The following CFAP54 variants were observed in gnomAD, a reference collection of about 807,000 sequenced individuals.
The protein encoded by CFAP54 is cilia- and flagella-associated protein 54.
Under a neutral mutation model 370.4 loss-of-function variants are expected in CFAP54, and 290 were observed. The observed-to-expected ratio is 0.78, with a 90% CI of 0.71 to 0.86. The LOEUF (loss-of-function observed/expected upper bound fraction) is 0.86. Ranked by LOEUF, CFAP54 falls within the 40% of genes least tolerant of loss-of-function variation. The pLI, the probability that CFAP54 is intolerant of heterozygous loss-of-function variation, is 0.00. For missense variants in CFAP54, 3,399 were observed against 3,528.7 expected (o/e 0.96, Z 0.93); for synonymous variants, 1,206 against 1,236.5 (o/e 0.98, Z 0.52).
intron 39 of CFAP54, among the ~76,000 whole-genome samples, chr12:96,675,601 G>T (rs919496721): frequency 2.6e-5 from 4 of 152,120 alleles, no homozygotes; most frequent in African/African-American, 9.7e-5. Flanking sequence ...TATACCCAAA[G>T]GATTATAAAT....
rs1168067273 is a variant in CFAP54, at chr12:96,634,239, A to G, written c.4316+3588A>G. Reference sequence around the variant, plus strand: ...CTTGACTAATTTTTGTATTTTTAGTAGAGACGGGGTTTCACTATGTTGGTC... The same window carrying G: ...CTTGACTAATTTTTGTATTTTTAGTGGAGACGGGGTTTCACTATGTTGGTC... On this transcript the variant is annotated intron_variant, in intron 32 of 67. Transcript: ENST00000524981. 4.0e-5 allele frequency among the ~76,000 whole-genome samples: 6 copies of G among 151,680 alleles called. No individual in the cohort carries two copies. In the South Asian group the frequency reaches 1.3e-3, roughly 32 times the overall value.
chr12:96,602,892 G>A (rs1199917949), intron 26 of CFAP54, among the ~76,000 whole-genome samples: 1 of 152,012 alleles, frequency 6.6e-6, no homozygotes. Flanking sequence ...CACACCAATG[G>A]GTCTTGACCC....
chr12:96,621,296 G>A (rs926126852), intron 26 of CFAP54, among the ~76,000 whole-genome samples: 1 of 152,118 alleles, frequency 6.6e-6, no homozygotes, highest in African/African-American at 2.4e-5. Context: ...TTTCTTAATA[G>A]TTAACTCACT....
chr12:96,619,162 C>T (rs1055256793), intron 26 of CFAP54, among the ~76,000 whole-genome samples: 6 of 152,174 alleles, frequency 3.9e-5, no homozygotes, highest in African/African-American at 1.4e-4. Context: ...CGGCAACCAG[C>T]CTGAATGTGT....
At chr12:96,847,063 G>A (rs943691596) in intron 66 of CFAP54, among the ~76,000 whole-genome samples, 1 of 152,132 alleles carries the variant, frequency 6.6e-6, no homozygotes, top group African/African-American at 2.4e-5. Context: ...TAGATATTTA[G>A]GAGTTGCCAG....
intron 19 of CFAP54, among the ~76,000 whole-genome samples, chr12:96,565,553 G>A (rs1592853727): frequency 6.6e-6 from 1 of 152,106 alleles, no homozygotes; most frequent in Admixed American, 6.6e-5. Context: ...AGCTAAAGGG[G>A]TTTAATGAGA....
At chr12:96,617,609 TC>T (rs2136461601) in intron 26 of CFAP54, among the ~76,000 whole-genome samples, 1 of 152,356 alleles carries the variant, frequency 6.6e-6, no homozygotes, top group South Asian at 2.1e-4. Context: ...AGCACCCTTT[TC>T]TTTTTCCAGT....
At chr12:96,808,407 G>C (rs888562407) in intron 63 of CFAP54, among the ~76,000 whole-genome samples, 1 of 152,114 alleles carries the variant, frequency 6.6e-6, no homozygotes, top group Non-Finnish European at 1.5e-5. Context: ...GAAAAAGGGT[G>C]TATTAGAGGT....
At chr12:96,691,462 A>G (rs1424537782) in intron 44 of CFAP54, 152 bp downstream of exon 44, 1 of 514,252 alleles carries the variant, frequency 1.9e-6, no homozygotes, top group Non-Finnish European at 3.3e-6. Flanking sequence ...ACTTCAAACT[A>G]AAATGTATTA....
intron 2 of CFAP54, 79 bp from the exon 3 acceptor site, chr12:96,503,807 G>A (rs1955059071): frequency 1.1e-5 from 13 of 1,212,752 alleles, no homozygotes; most frequent in African/African-American, 3.1e-5. Context: ...GATACTATTA[G>A]GAATAATATG....
Position 96,519,951 on chromosome 12 carries a change from C to T in CFAP54, c.942+880C>T, listed in dbSNP as rs771565772. Among the ~76,000 whole-genome samples, 18 of 152,226 alleles carry T rather than the reference C, an allele frequency of 1.2e-4. 1 individual carries two copies. The highest frequency in any genetic ancestry group is 8.3e-4 in the South Asian group (4 of 4,826). ...TCCCTCCTCGTTTAGTTTTGTGTTC[C>T]TTATCACTTAGTATGTACACTCTTG... On this transcript the variant is annotated intron_variant, in intron 6 of 67. Transcript: ENST00000524981.
intron 5 of CFAP54, among the ~76,000 whole-genome samples, chr12:96,517,350 C>T (rs1257940599): frequency 4.6e-5 from 7 of 152,146 alleles, no homozygotes; most frequent in Non-Finnish European, 8.8e-5. Context: ...GCACAAAAAA[C>T]TTTGATTTTC....
chr12:96,631,336 A>G (rs989708051), intron 32 of CFAP54, among the ~76,000 whole-genome samples: 1 of 151,870 alleles, frequency 6.6e-6, no homozygotes, highest in Non-Finnish European at 1.5e-5. Flanking sequence ...GTTGGTATGC[A>G]TTTCTGTTTT....
intron 12 of CFAP54, among the ~76,000 whole-genome samples, chr12:96,536,577 A>T (rs1955505952): frequency 6.6e-6 from 1 of 152,014 alleles, no homozygotes; most frequent in Non-Finnish European, 1.5e-5. Flanking sequence ...CAAGGCTTAA[A>T]AAGGTAGGGA....
intron 16 of CFAP54, 72 bp downstream of exon 16, chr12:96,554,382 G>A (rs2136400995): frequency 1.4e-6 from 2 of 1,424,554 alleles, no homozygotes; most frequent in African/African-American, 1.4e-5. Context: ...TTGAAAGTAG[G>A]TAAGTAAAGC....
chr12:96,795,246 G>T (rs138805473), intron 63 of CFAP54, among the ~76,000 whole-genome samples: 82 of 152,282 alleles, frequency 5.4e-4, no homozygotes, highest in African/African-American at 1.9e-3. Context: ...GCTTTCAAGA[G>T]AGCATCAGCT....
intron 66 of CFAP54, among the ~76,000 whole-genome samples, chr12:96,834,707 A>G (rs1317949671): frequency 6.6e-6 from 1 of 152,242 alleles, no homozygotes; most frequent in East Asian, 1.9e-4. Context: ...CTGGGGTCCC[A>G]GAAGGGCCAC....
intron 39 of CFAP54, among the ~76,000 whole-genome samples, chr12:96,667,455 C>T (rs1957094551): frequency 6.6e-6 from 1 of 152,206 alleles, no homozygotes; most frequent in African/African-American, 2.4e-5. Flanking sequence ...AATCTCAGTT[C>T]TTGACTTCTG....
chr12:96,498,907 T>A (rs1954990034), intron 1 of CFAP54, among the ~76,000 whole-genome samples: 1 of 152,204 alleles, frequency 6.6e-6, no homozygotes, highest in South Asian at 2.1e-4. Flanking sequence ...GTCCAAAATA[T>A]ACGAAGAACT....
Sources: allele counts gnomAD v4.1 joint callset (sites outside exome capture counted in the v4.1 genomes callset), GRCh38; gene constraint gnomAD v4.1.1; transcripts MANE v1.5; gene names NCBI Gene and HGNC (gene_info 2026-07-23, HGNC 2026-07-21).